The following HEPHL1 variants were observed in gnomAD, a reference collection of about 807,000 sequenced individuals.
The protein encoded by HEPHL1 is hephaestin like 1.
In HEPHL1, 123 loss-of-function variants were observed where a neutral mutation model predicts 122.0. The ratio of observed to expected loss-of-function variants is 1.01; its 90% CI spans 0.87 to 1.17. The LOEUF (loss-of-function observed/expected upper bound fraction) is 1.17. Among genes scored for constraint, HEPHL1 ranks in the 50% most tolerant of loss-of-function variants. The pLI, the probability that HEPHL1 is intolerant of heterozygous loss-of-function variation, is 0.00. For synonymous variants in HEPHL1, 527 were observed against 508.9 expected (o/e 1.04, Z -0.48); for missense variants, 1,452 against 1,430.5 (o/e 1.01, Z -0.24).
At chr11:94,036,096 G>A (rs1565345123) in intron 1 of HEPHL1, among the ~76,000 whole-genome samples, 2 of 152,160 alleles carry the variant, frequency 1.3e-5, no homozygotes, top group Non-Finnish European at 2.9e-5. Context: ...CCACTGAAAT[G>A]CCTGAAGTTC....
chr11:94,054,893 T>G (rs945252523), intron 2 of HEPHL1: 1 of 152,350 alleles, frequency 6.6e-6, no homozygotes, highest in Non-Finnish European at 1.5e-5. Context: ...TGATTTTACT[T>G]TTATTTTCTT....
chr11:94,096,704 T>C (rs571392886), intron 13 of HEPHL1, among the ~76,000 whole-genome samples: 7 of 152,344 alleles, frequency 4.6e-5, no homozygotes, highest in African/African-American at 1.7e-4. Context: ...GAACACGTTA[T>C]TGGTCTATTC....
intron 10 of HEPHL1, among the ~76,000 whole-genome samples, chr11:94,084,355 A>G (rs1464057169): frequency 2.7e-5 from 4 of 150,198 alleles, no homozygotes; most frequent in Non-Finnish European, 4.4e-5. Flanking sequence ...TAAATAAATA[A>G]ATAAATAAAT....
chr11:94,111,709 C>A lies in HEPHL1; in HGVS notation c.3295C>A (p.Gln1099Lys). 2 of 1,610,596 alleles carry A rather than the reference C, an allele frequency of 1.2e-6. No individual in the cohort carries two copies. The highest frequency in any genetic ancestry group is 1.1e-5 in the South Asian group (1 of 90,506). Residue 1099 changes from glutamine to lysine, a missense_variant, in exon 20 of 20, where the codon CAG becomes AAG. Gln to Lys is a moderately conservative substitution (Grantham distance 53). Transcript: ENST00000315765. ...VPSNERPGKE[Q>K]LYFFGKNLGP... ...TTTCACAGAACGACCTGGCAAAGAGCAGCTCTATTTCTTTGGCAAGAATCT... is the reference window on the plus strand; with the variant it reads ...TTTCACAGAACGACCTGGCAAAGAGAAGCTCTATTTCTTTGGCAAGAATCT...
At chr11:94,033,058 A>G (rs984214141) in intron 1 of HEPHL1, among the ~76,000 whole-genome samples, 1 of 152,190 alleles carries the variant, frequency 6.6e-6, no homozygotes, top group Non-Finnish European at 1.5e-5. Context: ...AAGTATGCCA[A>G]TGTATAAAAC....
At chr11:94,031,209 A>G (rs1278103409) in intron 1 of HEPHL1, among the ~76,000 whole-genome samples, 1 of 152,096 alleles carries the variant, frequency 6.6e-6, no homozygotes, top group African/African-American at 2.4e-5. Context: ...GATGAGTGAA[A>G]GTAAACTTCT....
At chr11:94,052,181 A>G (rs1945896110) in intron 2 of HEPHL1, among the ~76,000 whole-genome samples, 1 of 152,010 alleles carries the variant, frequency 6.6e-6, no homozygotes, top group Non-Finnish European at 1.5e-5. Flanking sequence ...GAAGACTGTC[A>G]TTGGTATTTT....
At chr11:94,074,472 T>C (rs1184786831) in intron 8 of HEPHL1, among the ~76,000 whole-genome samples, 1 of 152,112 alleles carries the variant, frequency 6.6e-6, no homozygotes, top group Non-Finnish European at 1.5e-5. Context: ...TGTGTGTGTG[T>C]GTGCAGAAAG....
At chr11:94,088,365 C>T (rs1158053031) in intron 11 of HEPHL1, among the ~76,000 whole-genome samples, 1 of 152,090 alleles carries the variant, frequency 6.6e-6, no homozygotes, top group Admixed American at 6.5e-5. Flanking sequence ...TAATTTGAAC[C>T]TTGTCTAGGA....
chr11:94,085,825 G>T (rs945928162), intron 10 of HEPHL1, among the ~76,000 whole-genome samples, 152 bp from the exon 11 acceptor site: 1 of 151,810 alleles, frequency 6.6e-6, no homozygotes, highest in African/African-American at 2.4e-5. Context: ...TGTTAATTTT[G>T]GTCTCCATTT....
Position 94,088,877 on chromosome 11 carries a change from T to A in HEPHL1, c.2203T>A (p.Phe735Ile). The A allele has an allele frequency of 6.2e-7, 1 of 1,613,898 alleles. No individual in the cohort carries two copies. Among genetic ancestry groups the A allele is most frequent in the Non-Finnish European group, 8.5e-7 (1 of 1,179,878 alleles). The change falls in exon 12 of 20, where the codon TTT (phenylalanine) becomes ATT (isoleucine). Residue 735 changes from phenylalanine to isoleucine, a missense_variant. By Grantham distance (21) the Phe-to-Ile change is conservative. Transcript: ENST00000315765. ...GCAGCGGTACGGGATGATAAGAACT[T>A]TTTACATCGCCGCTGAAGAAGTAGA... ...SEQRYGMIRT[F>I]YIAAEEVEWD...
At chr11:94,093,934 T>A (rs188221496) in intron 13 of HEPHL1, among the ~76,000 whole-genome samples, 277 of 138,934 alleles carry the variant, frequency 2.0e-3, no homozygotes, top group Non-Finnish European at 3.6e-3. Flanking sequence ...CCAACCCCTA[T>A]ACTGAGCCAG....
At chr11:94,064,845 G>A (rs934805219) in intron 4 of HEPHL1, among the ~76,000 whole-genome samples, 1 of 152,176 alleles carries the variant, frequency 6.6e-6, no homozygotes, top group Non-Finnish European at 1.5e-5. Flanking sequence ...CTGACTGGAA[G>A]GAGAAAGGAG....
At chr11:94,097,096 T>C (rs1344675891) in intron 13 of HEPHL1, among the ~76,000 whole-genome samples, 1 of 152,258 alleles carries the variant, frequency 6.6e-6, no homozygotes, top group Non-Finnish European at 1.5e-5. Flanking sequence ...ATCTTGTTAT[T>C]TTAATTGTGC....
At chr11:94,091,778 G>A (rs1480487184) in intron 12 of HEPHL1, among the ~76,000 whole-genome samples, 2 of 152,176 alleles carry the variant, frequency 1.3e-5, no homozygotes, top group Non-Finnish European at 2.9e-5. Context: ...GACATGAAGA[G>A]TAGTCCACTT....
intron 2 of HEPHL1, among the ~76,000 whole-genome samples, chr11:94,046,688 T>C (rs1378218148): frequency 6.6e-6 from 1 of 151,752 alleles, no homozygotes; most frequent in East Asian, 1.9e-4. Flanking sequence ...CTGTCTTCCT[T>C]CTTGTGTGTA....
chr11:94,066,677 A>G (rs898762245), intron 4 of HEPHL1, among the ~76,000 whole-genome samples: 3 of 152,226 alleles, frequency 2.0e-5, no homozygotes, highest in South Asian at 2.1e-4. Flanking sequence ...TGATCAATTT[A>G]TTTAAATTTA....
chr11:94,063,427 C>A, intron 2 of HEPHL1, 81 bp from the exon 3 acceptor site: 1 of 1,094,446 alleles, frequency 9.1e-7, no homozygotes, highest in Non-Finnish European at 1.3e-6. Context: ...GATTCCAAAG[C>A]TCTGGCCCTC....
chr11:94,083,708 C>T (rs1490590065), intron 10 of HEPHL1, among the ~76,000 whole-genome samples: 2 of 152,204 alleles, frequency 1.3e-5, no homozygotes, highest in African/African-American at 4.8e-5. Flanking sequence ...CCCTATGGTC[C>T]CAGATGCTCA....
Sources: allele counts gnomAD v4.1 joint callset (sites outside exome capture counted in the v4.1 genomes callset), GRCh38; gene constraint gnomAD v4.1.1; transcripts MANE v1.5; gene names NCBI Gene and HGNC (gene_info 2026-07-23, HGNC 2026-07-21).